The following VWA5B1 variants were observed in gnomAD, a reference collection of about 807,000 sequenced individuals.
VWA5B1 encodes von Willebrand factor A domain containing 5B1, also known as von Willebrand factor A domain-containing protein 5B1.
VWA5B1 carries 115 observed loss-of-function variants against 118.2 expected under a neutral mutation model. The ratio of observed to expected loss-of-function variants is 0.97; its 90% CI spans 0.84 to 1.14. VWA5B1 has a LOEUF of 1.14. Ranked by LOEUF, VWA5B1 falls within the 50% of genes most tolerant of loss-of-function variation. The pLI, the probability that VWA5B1 is intolerant of heterozygous loss-of-function variation, is 0.00. For synonymous variants in VWA5B1, 682 were observed against 658.4 expected, an observed-to-expected ratio of 1.04 and a Z score of -0.55; for missense variants, 1,596 against 1,603.8, an observed-to-expected ratio of 1.00 and a Z score of 0.08.
intron 1 of VWA5B1, among the ~76,000 whole-genome samples, chr1:20,306,412 GGAC>G (rs1422195073): frequency 1.3e-5 from 2 of 152,180 alleles, no homozygotes; most frequent in African/African-American, 2.4e-5. Flanking sequence ...TGTCTTCAAA[GGAC>G]GACTCTGACT....
At chr1:20,350,327 C>A (rs2090103470) in intron 19 of VWA5B1, 97 bp downstream of exon 19, 1 of 1,344,858 alleles carries the variant, frequency 7.4e-7, no homozygotes, top group South Asian at 1.3e-5. Flanking sequence ...GTCCTCAGGG[C>A]TTCATGGAGT....
chr1:20,348,696 C>G (rs572222436), intron 18 of VWA5B1, among the ~76,000 whole-genome samples: 4 of 152,342 alleles, frequency 2.6e-5, no homozygotes, highest in African/African-American at 9.6e-5. Flanking sequence ...CACCAACTGC[C>G]AGGAAACCTA....
intron 1 of VWA5B1, among the ~76,000 whole-genome samples, chr1:20,301,275 G>A (rs2088497066): frequency 6.6e-6 from 1 of 152,218 alleles, no homozygotes; most frequent in African/African-American, 2.4e-5. Context: ...AAAGAGAAAA[G>A]GGAATGAAAG....
chr1:20,319,236 T>C, intron 6 of VWA5B1, 146 bp from the exon 7 acceptor site: 1 of 1,251,164 alleles, frequency 8.0e-7, no homozygotes, highest in Non-Finnish European at 1.1e-6. Flanking sequence ...TCCCTAGCCC[T>C]ACACTGCTTC....
intron 11 of VWA5B1, among the ~76,000 whole-genome samples, chr1:20,331,683 G>C (rs2089559383): frequency 6.6e-6 from 1 of 152,064 alleles, no homozygotes; most frequent in African/African-American, 2.4e-5. Context: ...GTGCTGAAAT[G>C]AGCAGGATCT....
intron 1 of VWA5B1, among the ~76,000 whole-genome samples, chr1:20,299,921 A>T (rs61770710): frequency 0.075 from 11,489 of 152,248 alleles, 466 homozygotes; most frequent in African/African-American, 0.086. Flanking sequence ...GGTTTGCCGC[A>T]GTTGGTGTGG....
intron 1 of VWA5B1, among the ~76,000 whole-genome samples, chr1:20,310,049 C>T (rs941969428): frequency 6.6e-6 from 1 of 151,802 alleles, no homozygotes; most frequent in Non-Finnish European, 1.5e-5. Flanking sequence ...GCTCCCCTTA[C>T]TTTGGTGACT....
At chr1:20,340,623 C>A (rs2089852120) in intron 14 of VWA5B1, among the ~76,000 whole-genome samples, 1 of 152,234 alleles carries the variant, frequency 6.6e-6, no homozygotes, top group Non-Finnish European at 1.5e-5. Flanking sequence ...TCCCCTCCCC[C>A]TACCAGGGGA....
In VWA5B1 at chr1:20,313,060, G is replaced by A. The variant is rs1406717015; in HGVS notation, c.292+72G>A. 1.8e-5 allele frequency: 27 copies of A among 1,515,958 alleles called. No homozygotes were observed. The South Asian group carries it at 3.4e-4, about 19-fold the overall frequency. 93.9% of individuals were successfully genotyped at this position (1,515,958 alleles called of 1,614,324 possible). A position where few individuals can be genotyped will look rare whatever the true frequency, so the allele number is the denominator to read the frequency against. ...AGAGGCTGCCTGGGCTGGAGCCTCAGGCCAACTGCAAGGATAGCAGTGGGA... is the reference window on the plus strand; with the variant it reads ...AGAGGCTGCCTGGGCTGGAGCCTCAAGCCAACTGCAAGGATAGCAGTGGGA... On this transcript the variant is annotated intron_variant, in intron 3 of 21. Coordinates refer to ENST00000289815, the MANE Select transcript of VWA5B1 (RefSeq NM_001039500.3).
intron 2 of VWA5B1, among the ~76,000 whole-genome samples, chr1:20,311,096 C>T (rs899230422): frequency 5.9e-5 from 9 of 152,234 alleles, no homozygotes; most frequent in African/African-American, 2.2e-4. Context: ...CCTCAGCCTC[C>T]CAAGTAGCTG....
chr1:20,357,282 G>A lies in VWA5B1; in HGVS notation c.*3019G>A, dbSNP rs2090246839. 2.0e-5 allele frequency among the ~76,000 whole-genome samples: 3 copies of A among 152,174 alleles called. No homozygotes were observed. Among genetic ancestry groups the A allele is most frequent in the Admixed American group, 2.0e-4 (3 of 15,282 alleles). The stretch of plus-strand genomic sequence containing the variant: ...TCTGAACCCCTGTTTCATCTTTTGT[G>A]GAATGACGGGGGTTCACAAGATCAG... On this transcript the variant is annotated 3_prime_UTR_variant, in exon 22 of 22. Transcript: ENST00000289815.
chr1:20,315,458 T>C (rs2088977662), intron 4 of VWA5B1, among the ~76,000 whole-genome samples: 1 of 152,052 alleles, frequency 6.6e-6, no homozygotes, highest in South Asian at 2.1e-4. Context: ...GAAAAGGAGG[T>C]GGGTCACAGT....
chr1:20,350,934 G>A lies in VWA5B1; in HGVS notation c.3023+8G>A. ...GAATCTCTTTGGATCCTGGTAGGTG[G>A]GATTTCCAATAAAGGTACACTCTCC... On this transcript the variant is annotated splice_region_variant and intron_variant, in intron 20 of 21. Transcript: ENST00000289815. 6.4e-7 allele frequency: 1 copy of A among 1,551,696 alleles called. No individual in the cohort carries two copies. Among genetic ancestry groups the A allele is most frequent in the Non-Finnish European group, 8.7e-7 (1 of 1,146,890 alleles).
rs539209282 is a variant in VWA5B1, at chr1:20,359,276, T to C, written c.*5013T>C. 6.6e-6 allele frequency among the ~76,000 whole-genome samples: 1 copy of C among 152,322 alleles called. No individual in the cohort carries two copies. Among genetic ancestry groups the C allele is most frequent in the South Asian group, 2.1e-4 (1 of 4,830 alleles). Reference sequence around the variant, plus strand: ...TGCTACCCGTGCCCTTGCCTGCTCATCTGTAATGTCCCCATAGTGCCTATG... The same window carrying C: ...TGCTACCCGTGCCCTTGCCTGCTCACCTGTAATGTCCCCATAGTGCCTATG... On this transcript the variant is annotated 3_prime_UTR_variant, in exon 22 of 22. Coordinates refer to ENST00000289815, the MANE Select transcript of VWA5B1 (RefSeq NM_001039500.3).
intron 2 of VWA5B1, among the ~76,000 whole-genome samples, chr1:20,311,209 G>A (rs779640948): frequency 3.7e-4 from 56 of 152,172 alleles, no homozygotes; most frequent in Non-Finnish European, 5.7e-4. Flanking sequence ...CTGAGCTCAA[G>A]CAATCCACCC....
rs2090097855 is a variant in VWA5B1 at position 20,350,146 on chromosome 1, T to A, written c.2879-10T>A. On this transcript the variant is annotated splice_polypyrimidine_tract_variant and intron_variant, in intron 18 of 21. Transcript: ENST00000289815. ...GGAGAGGTCCAGCCTCACTGGCTCC[T>A]CTGTCCTAGACATGGAGGCAAGTCC... The A allele has an allele frequency of 1.3e-6, 2 of 1,551,018 alleles. No homozygotes were observed. The highest frequency in any genetic ancestry group is 1.7e-4 in the Middle Eastern group (1 of 5,992).
At position 20,353,384 on chromosome 1, in the gene VWA5B1, C is replaced by A. The variant is rs1008464; in HGVS notation, c.3142-373C>A. ...GAGGCAGGAATAACATGAGGAAGCACGTGATGGATTGCAGAGCGATTTAGA... is the reference window on the plus strand; with the variant it reads ...GAGGCAGGAATAACATGAGGAAGCAAGTGATGGATTGCAGAGCGATTTAGA... On this transcript the variant is annotated intron_variant, in intron 21 of 21. Coordinates refer to ENST00000289815, the MANE Select transcript of VWA5B1 (RefSeq NM_001039500.3). Among the ~76,000 whole-genome samples, 276 of 151,992 alleles carry A rather than the reference C, an allele frequency of 1.8e-3. 1 individual carries two copies. Among genetic ancestry groups the A allele is most frequent in the African/African-American group, 5.5e-3 (227 of 41,450 alleles).
chr1:20,356,877 G>T lies in VWA5B1; in HGVS notation c.*2614G>T, dbSNP rs1019470699. ...TGAGATGACATGCAGCCTCAAAAAC[G>T]TGCTACCGGGACTGCTAGGCAGAGG... On this transcript the variant is annotated 3_prime_UTR_variant, in exon 22 of 22. Transcript: ENST00000289815. Among the ~76,000 whole-genome samples, 2 of 152,190 alleles carry T rather than the reference G, an allele frequency of 1.3e-5. No homozygotes were observed. The highest frequency in any genetic ancestry group is 2.9e-5 in the Non-Finnish European group (2 of 68,042).
At chr1:20,299,627 C>T (rs766390323) in intron 1 of VWA5B1, among the ~76,000 whole-genome samples, 24 of 152,290 alleles carry the variant, frequency 1.6e-4, no homozygotes, top group Non-Finnish European at 3.2e-4. Flanking sequence ...TGGCCTCAAA[C>T]TCCTGAACTT....
Sources: gnomAD v4.1 joint callset for allele counts (sites outside exome capture counted in the v4.1 genomes callset) on GRCh38, gnomAD v4.1.1 for gene constraint, MANE v1.5 for transcripts, NCBI Gene and HGNC (gene_info 2026-07-23, HGNC 2026-07-21) for gene names.